Variants in CNBD1 observed in about 807,000 individuals in gnomAD.
CNBD1 encodes cyclic nucleotide-binding domain-containing protein 1.
CNBD1 carries 71 observed loss-of-function variants against 54.4 expected under a neutral mutation model. The observed-to-expected ratio is 1.30, with a 90% CI of 1.08 to 1.59. The LOEUF is 1.59. Ranked by LOEUF, CNBD1 falls within the 40% of genes most tolerant of loss-of-function variation. The pLI, the probability that CNBD1 is intolerant of heterozygous loss-of-function variation, is 0.00. For missense variants in CNBD1, 659 were observed against 518.0 expected (o/e 1.27, Z -2.64); for synonymous variants, 182 against 170.7 (o/e 1.07, Z -0.51).
intron 2 of CNBD1, among the ~76,000 whole-genome samples, chr8:86,903,933 G>T (rs113566620): frequency 0.015 from 2,320 of 151,920 alleles, 31 homozygotes; most frequent in Non-Finnish European, 0.024. Flanking sequence ...TCGATGCTTG[G>T]TGAATGTATC....
intron 5 of CNBD1, among the ~76,000 whole-genome samples, chr8:87,208,779 C>G (rs1265867498): frequency 3.9e-5 from 6 of 151,916 alleles, no homozygotes; most frequent in Non-Finnish European, 8.8e-5. Flanking sequence ...AGTATTATTT[C>G]TCTTCTATTT....
At chr8:87,367,509 C>T (rs554135595) in intron 10 of CNBD1, among the ~76,000 whole-genome samples, 32 of 152,136 alleles carry the variant, frequency 2.1e-4, no homozygotes, top group African/African-American at 2.2e-4. Context: ...GCATGAAGGA[C>T]TTGCTTTCTG....
chr8:87,106,788 T>A (rs918842954), intron 4 of CNBD1, among the ~76,000 whole-genome samples: 1 of 152,152 alleles, frequency 6.6e-6, no homozygotes, highest in Non-Finnish European at 1.5e-5. Context: ...TTAATGTAGA[T>A]GTTCTCCACT....
chr8:86,963,627 A>G (rs1807993828), intron 4 of CNBD1, among the ~76,000 whole-genome samples: 1 of 152,120 alleles, frequency 6.6e-6, no homozygotes, highest in Admixed American at 6.6e-5. Context: ...GTAACTGGGG[A>G]CCTGGCCTAC....
chr8:87,264,154 C>G (rs577610382), intron 6 of CNBD1, among the ~76,000 whole-genome samples: 1 of 152,028 alleles, frequency 6.6e-6, no homozygotes, highest in African/African-American at 2.4e-5. Context: ...CCTCTCCCCC[C>G]ACCCCACAAC....
At chr8:87,258,430 TTTTTTC>T (rs1808065673) in intron 6 of CNBD1, among the ~76,000 whole-genome samples, 1 of 151,020 alleles carries the variant, frequency 6.6e-6, no homozygotes. Flanking sequence ...TTTATTTCTT[TTTTTTC>T]TTTTTAAGAT....
intron 8 of CNBD1, among the ~76,000 whole-genome samples, chr8:87,307,980 T>C (rs1425990988): frequency 6.6e-6 from 1 of 152,098 alleles, no homozygotes; most frequent in Non-Finnish European, 1.5e-5. Flanking sequence ...TATTTTCCAA[T>C]CCTTTGTTCT....
At chr8:87,035,622 CTG>C (rs1297167933) in intron 4 of CNBD1, among the ~76,000 whole-genome samples, 1 of 152,096 alleles carries the variant, frequency 6.6e-6, no homozygotes, top group East Asian at 1.9e-4. Context: ...TCTTTTTATT[CTG>C]TGTTTCTAAA....
At chr8:87,347,486 C>T (rs1438424338) in intron 8 of CNBD1, among the ~76,000 whole-genome samples, 3 of 148,584 alleles carry the variant, frequency 2.0e-5, no homozygotes, top group African/African-American at 7.8e-5. Flanking sequence ...ATAAACAAAT[C>T]AATAACTTAT....
At chr8:87,291,904 A>G (rs1307557810) in intron 8 of CNBD1, among the ~76,000 whole-genome samples, 3 of 152,164 alleles carry the variant, frequency 2.0e-5, no homozygotes, top group Admixed American at 1.3e-4. Flanking sequence ...GTACCCAACA[A>G]ATATCTAGAA....
chr8:86,954,605 A>T (rs1057141267), intron 4 of CNBD1, among the ~76,000 whole-genome samples: 2 of 152,232 alleles, frequency 1.3e-5, no homozygotes, highest in Non-Finnish European at 2.9e-5. Context: ...TTTACTAAAG[A>T]CACATTTTAC....
intron 8 of CNBD1, among the ~76,000 whole-genome samples, chr8:87,348,268 A>G (rs933776358): frequency 6.6e-6 from 1 of 152,166 alleles, no homozygotes; most frequent in South Asian, 2.1e-4. Flanking sequence ...ATCTATATTT[A>G]TCTGCAAATA....
chr8:87,427,925 A>G (rs1379172273), intron 2 of CNBD1, among the ~76,000 whole-genome samples: 1 of 152,096 alleles, frequency 6.6e-6, no homozygotes, highest in Non-Finnish European at 1.5e-5. Context: ...TGGATCACAG[A>G]CCTTCACCAA....
chr8:87,265,619 G>T (rs1402786265), intron 6 of CNBD1, among the ~76,000 whole-genome samples: 1 of 152,114 alleles, frequency 6.6e-6, no homozygotes, highest in Non-Finnish European at 1.5e-5. Context: ...CTCTAGATTT[G>T]AGGATGGCAG....
At chr8:87,320,769 G>A (rs1384884923) in intron 8 of CNBD1, among the ~76,000 whole-genome samples, 3 of 152,150 alleles carry the variant, frequency 2.0e-5, no homozygotes, top group South Asian at 2.1e-4. Flanking sequence ...GCACATTACA[G>A]CATTATCAAC....
At chr8:87,330,335 T>G (rs974128620) in intron 8 of CNBD1, among the ~76,000 whole-genome samples, 2 of 151,780 alleles carry the variant, frequency 1.3e-5, no homozygotes, top group African/African-American at 4.8e-5. Context: ...ATTTTCTGGT[T>G]TCAATTTTAT....
chr8:86,967,409 C>T (rs1246808859), intron 4 of CNBD1, among the ~76,000 whole-genome samples: 1 of 152,240 alleles, frequency 6.6e-6, no homozygotes, highest in Non-Finnish European at 1.5e-5. Flanking sequence ...GGGTTTGCAG[C>T]TGTGGTTTGG....
intron 9 of CNBD1, among the ~76,000 whole-genome samples, chr8:87,352,654 G>T (rs953544301): frequency 6.6e-6 from 1 of 152,010 alleles, no homozygotes; most frequent in Admixed American, 6.6e-5. Flanking sequence ...TACTATGTAG[G>T]GCCAAAATGC....
chr8:87,183,836 A>G (rs1193612412), intron 4 of CNBD1, among the ~76,000 whole-genome samples: 1 of 152,204 alleles, frequency 6.6e-6, no homozygotes, highest in Non-Finnish European at 1.5e-5. Flanking sequence ...TGTATGCTCT[A>G]ACCCTGGGGG....
Sources: gnomAD v4.1 joint callset for allele counts (sites outside exome capture counted in the v4.1 genomes callset) on GRCh38, gnomAD v4.1.1 for gene constraint, MANE v1.5 for transcripts, NCBI Gene and HGNC (gene_info 2026-07-23, HGNC 2026-07-21) for gene names.